Variants in MYO3A observed in about 807,000 individuals in gnomAD.
The protein encoded by MYO3A is myosin-IIIa.
Under a neutral mutation model 192.7 loss-of-function variants are expected in MYO3A, and 180 were observed. The ratio of observed to expected loss-of-function variants is 0.93; its 90% CI spans 0.83 to 1.06. MYO3A has a LOEUF of 1.06. MYO3A is among the 50% of genes least tolerant of loss of function. MYO3A has a pLI of 0.00. For missense variants in MYO3A, 1,896 were observed against 1,905.0 expected, an observed-to-expected ratio of 1.00 and a Z score of 0.09; for synonymous variants, 628 against 645.3, an observed-to-expected ratio of 0.97 and a Z score of 0.41.
rs994160458 is a variant in MYO3A at position 25,963,941 on chromosome 10, A to G, written c.303+8933A>G. On this transcript the variant is annotated intron_variant, in intron 4 of 34. Transcript: ENST00000642920. ...GCATCTTCTTTGAATAGGCATGCACATTTATAGTGTTACTTCAGAGGTAAG... is the reference window on the plus strand; with the variant it reads ...GCATCTTCTTTGAATAGGCATGCACGTTTATAGTGTTACTTCAGAGGTAAG... 3.9e-5 allele frequency among the ~76,000 whole-genome samples: 6 copies of G among 152,292 alleles called. No individual in the cohort carries two copies. The East Asian group carries it at 7.7e-4, about 20-fold the overall frequency.
At chr10:26,160,696 G>A (rs1190805051) in intron 26 of MYO3A, among the ~76,000 whole-genome samples, 1 of 152,144 alleles carries the variant, frequency 6.6e-6, no homozygotes, top group Non-Finnish European at 1.5e-5. Context: ...ACTGGGACTT[G>A]AAGGAGGGTA....
chr10:25,968,684 C>T (rs1044997900), intron 4 of MYO3A, among the ~76,000 whole-genome samples: 3 of 152,212 alleles, frequency 2.0e-5, no homozygotes, highest in African/African-American at 7.2e-5. Flanking sequence ...TTTCAGTCAC[C>T]TGTGGTCAAC....
At chr10:26,157,728 T>C (rs1029467118) in intron 26 of MYO3A, among the ~76,000 whole-genome samples, 2 of 152,188 alleles carry the variant, frequency 1.3e-5, no homozygotes, top group East Asian at 1.9e-4. Flanking sequence ...ATAGGCAGCA[T>C]GATCCAGAGG....
intron 31 of MYO3A, among the ~76,000 whole-genome samples, chr10:26,192,456 C>A (rs115284062): frequency 6.6e-6 from 1 of 151,986 alleles, no homozygotes; most frequent in South Asian, 2.1e-4. Context: ...CGGGTCACTG[C>A]GTGAGGCTGG....
At chr10:26,028,145 G>A (rs1393306200) in intron 10 of MYO3A, among the ~76,000 whole-genome samples, 2 of 152,120 alleles carry the variant, frequency 1.3e-5, no homozygotes, top group African/African-American at 4.8e-5. Flanking sequence ...ACTTCATTAT[G>A]TTATCTCATG....
At chr10:26,012,775 A>G (rs1841749906) in intron 6 of MYO3A, among the ~76,000 whole-genome samples, 2 of 152,182 alleles carry the variant, frequency 1.3e-5, no homozygotes, top group African/African-American at 4.8e-5. Flanking sequence ...AAGAGCCCAA[A>G]TAGCCAAAGC....
At chr10:26,057,370 G>A (rs759589018) in intron 10 of MYO3A, among the ~76,000 whole-genome samples, 2 of 152,106 alleles carry the variant, frequency 1.3e-5, no homozygotes, top group East Asian at 1.9e-4. Context: ...AAATTAGTAG[G>A]GTTAACCCTG....
At chr10:26,128,635 T>G in intron 20 of MYO3A, 97 bp downstream of exon 20, 1 of 1,268,346 alleles carries the variant, frequency 7.9e-7, no homozygotes, top group Non-Finnish European at 1.1e-6. Flanking sequence ...TTTAATGCCT[T>G]AAACATTTTA....
intron 31 of MYO3A, among the ~76,000 whole-genome samples, chr10:26,180,976 C>T (rs543358938): frequency 6.6e-6 from 1 of 152,068 alleles, no homozygotes; most frequent in South Asian, 2.1e-4. Context: ...TAAATGAGGA[C>T]TTATTCATTA....
chr10:26,109,889 G>C (rs527700094), intron 17 of MYO3A, among the ~76,000 whole-genome samples: 18 of 152,138 alleles, frequency 1.2e-4, no homozygotes, highest in African/African-American at 4.3e-4. Flanking sequence ...AGGGGAATCT[G>C]GAAGGCTATT....
intron 23 of MYO3A, among the ~76,000 whole-genome samples, chr10:26,153,052 T>C (rs1391267997): frequency 6.6e-6 from 1 of 152,176 alleles, no homozygotes; most frequent in African/African-American, 2.4e-5. Flanking sequence ...TTGAAGATAT[T>C]TTGCACATTA....
chr10:26,210,559 C>G (rs960156443), intron 34 of MYO3A, among the ~76,000 whole-genome samples: 3 of 152,340 alleles, frequency 2.0e-5, no homozygotes, highest in Admixed American at 6.5e-5. Flanking sequence ...ACTACAGAAT[C>G]TCTTAACAGG....
At chr10:25,943,085 G>T (rs1192670296) in intron 2 of MYO3A, among the ~76,000 whole-genome samples, 1 of 151,850 alleles carries the variant, frequency 6.6e-6, no homozygotes, top group Non-Finnish European at 1.5e-5. Context: ...TAGCTCATAT[G>T]TTTAAGTCTT....
At chr10:26,070,801 C>T (rs1050079216) in intron 14 of MYO3A, among the ~76,000 whole-genome samples, 1 of 151,428 alleles carries the variant, frequency 6.6e-6, no homozygotes, top group African/African-American at 2.4e-5. Context: ...CTTAAAAGTG[C>T]CATTAACAAT....
At chr10:26,178,426 C>A (rs1842436849) in intron 31 of MYO3A, among the ~76,000 whole-genome samples, 1 of 151,942 alleles carries the variant, frequency 6.6e-6, no homozygotes, top group African/African-American at 2.4e-5. Context: ...GTGGCAGGTG[C>A]CCATAATACC....
intron 15 of MYO3A, among the ~76,000 whole-genome samples, chr10:26,089,441 A>G (rs1421171449): frequency 6.6e-6 from 1 of 152,066 alleles, no homozygotes; most frequent in Non-Finnish European, 1.5e-5. Flanking sequence ...CTCTACTAAA[A>G]ATACAAAAAA....
chr10:26,049,733 C>G (rs1332742278), intron 10 of MYO3A, among the ~76,000 whole-genome samples: 1 of 130,982 alleles, frequency 7.6e-6, no homozygotes, highest in Admixed American at 9.1e-5. Context: ...GGCTGGAGTG[C>G]AGTGGCGCAA....
chr10:26,143,472 G>A lies in MYO3A; in HGVS notation c.2287G>A (p.Asp763Asn). ...GAATGAATACCTAAATGAAGATGTGGATGCTAGAGTTATTGAATATGAGGA... is the reference window on the plus strand; with the variant it reads ...GAATGAATACCTAAATGAAGATGTGAATGCTAGAGTTATTGAATATGAGGA... The part of the protein sequence containing the change: ...EQNEYLNEDV[D>N]ARVIEYEDNW... Residue 763 changes from aspartate (D) to asparagine (N), a missense_variant, in exon 21 of 35, where the codon GAT becomes AAT. Asp to Asn is a conservative substitution (Grantham distance 23). Coordinates refer to ENST00000642920, the MANE Select transcript of MYO3A (RefSeq NM_017433.5). 2 of 1,612,678 alleles carry A rather than the reference G, an allele frequency of 1.2e-6. No individual in the cohort carries two copies. The highest frequency in any genetic ancestry group is 1.7e-6 in the Non-Finnish European group (2 of 1,178,776).
At chr10:26,031,316 T>A (rs1359962818) in intron 10 of MYO3A, among the ~76,000 whole-genome samples, 1 of 152,238 alleles carries the variant, frequency 6.6e-6, no homozygotes, top group Non-Finnish European at 1.5e-5. Context: ...GCTAAAAGGC[T>A]GCCACTGAAA....
Sources: gnomAD v4.1 joint callset for allele counts (sites outside exome capture counted in the v4.1 genomes callset) on GRCh38, gnomAD v4.1.1 for gene constraint, MANE v1.5 for transcripts, NCBI Gene and HGNC (gene_info 2026-07-23, HGNC 2026-07-21) for gene names.